The following TNRC6A variants were observed in gnomAD, a reference collection of about 807,000 sequenced individuals.
The protein encoded by TNRC6A is trinucleotide repeat-containing gene 6A protein.
In TNRC6A, 44 loss-of-function variants were observed where a neutral mutation model predicts 221.2. That is an observed-to-expected ratio of 0.20 (90% CI 0.16 to 0.26). The LOEUF is 0.26. Ranked by LOEUF, TNRC6A falls within the 10% of genes least tolerant of loss-of-function variation. The probability of loss-of-function intolerance (pLI) is 1.00; values close to 1 mark genes in which losing one functional copy is unlikely to be tolerated. For synonymous variants in TNRC6A, 847 were observed against 838.5 expected, an observed-to-expected ratio of 1.01 and a Z score of -0.18; for missense variants, 2,199 against 2,404.4, an observed-to-expected ratio of 0.91 and a Z score of 1.79.
chr16:24,793,634 G>T lies in TNRC6A; in HGVS notation c.3337G>T (p.Ala1113Ser), dbSNP rs753592823. The T allele has an allele frequency of 1.3e-6, 2 of 1,500,130 alleles. No homozygotes were observed. Among genetic ancestry groups the T allele is most frequent in the Non-Finnish European group, 8.9e-7 (1 of 1,118,650 alleles). The allele number at this position is 1,500,130 out of a possible 1,614,324, so 92.9% of individuals were successfully genotyped here. Reference sequence around the variant, plus strand: ...GGGCTCCAGCTCTGTTGGTCCACAAGCATTAAGCAAATCTGGTAAGTTATT... The same window carrying T: ...GGGCTCCAGCTCTGTTGGTCCACAATCATTAAGCAAATCTGGTAAGTTATT... ...TWGSSSVGPQALSKSGPKSMQ... is the reference protein window; with the variant it reads ...TWGSSSVGPQSLSKSGPKSMQ... Residue 1113 changes from alanine to serine, a missense_variant, in exon 7 of 25, where the codon GCA (alanine) becomes TCA (serine). Physicochemically the swap from Ala to Ser is moderately conservative, Grantham distance 99. Coordinates refer to ENST00000395799, the MANE Select transcript of TNRC6A (RefSeq NM_014494.4).
At chr16:24,729,267 G>A (rs969877443), upstream of TNRC6A, among the ~76,000 whole-genome samples, 3 of 151,072 alleles carry the variant, frequency 2.0e-5, no homozygotes, top group African/African-American at 7.3e-5. Context: ...GGGCTCATCA[G>A]GCTGCAGTTG....
chr16:24,626,795 A>G (rs1961287), intron 1 of TNRC6A, among the ~76,000 whole-genome samples: 12,855 of 151,090 alleles, frequency 0.085, 781 homozygotes, highest in South Asian at 0.21. Flanking sequence ...GATTACAGGC[A>G]CCCACCACCA....
intron 23 of TNRC6A, among the ~76,000 whole-genome samples, chr16:24,822,466 A>G (rs2058785111): frequency 6.6e-6 from 1 of 152,166 alleles, no homozygotes; most frequent in African/African-American, 2.4e-5. Context: ...CCTTGTTGGC[A>G]CATGGAGAAA....
chr16:24,788,848 C>T, intron 5 of TNRC6A, among the ~76,000 whole-genome samples: 1 of 152,142 alleles, frequency 6.6e-6, no homozygotes, highest in Non-Finnish European at 1.5e-5. Flanking sequence ...TGGGGTTTCA[C>T]CATGTTAGCC....
chr16:24,669,692 C>T (rs1467969719), intron 2 of TNRC6A, among the ~76,000 whole-genome samples: 1 of 151,952 alleles, frequency 6.6e-6, no homozygotes, highest in African/African-American at 2.4e-5. Context: ...AGGACTGAGT[C>T]GCCAGTGATT....
intron 5 of TNRC6A, among the ~76,000 whole-genome samples, chr16:24,783,174 G>T (rs2057890053): frequency 6.6e-6 from 1 of 151,902 alleles, no homozygotes; most frequent in South Asian, 2.1e-4. Context: ...TGTTGCCCAG[G>T]TTGGAGTGCA....
intron 4 of TNRC6A, among the ~76,000 whole-genome samples, chr16:24,764,563 T>A (rs2057432147): frequency 6.6e-6 from 1 of 152,144 alleles, no homozygotes; most frequent in Admixed American, 6.5e-5. Flanking sequence ...CCTCAAATGA[T>A]CCGCCCACCT....
At chr16:24,721,827 G>T (rs895810337) in intron 2 of TNRC6A, among the ~76,000 whole-genome samples, 2 of 152,134 alleles carry the variant, frequency 1.3e-5, no homozygotes, top group Non-Finnish European at 2.9e-5. Context: ...AAAAAGGAAC[G>T]AACTTAATAC....
intron 2 of TNRC6A, among the ~76,000 whole-genome samples, chr16:24,710,358 A>G (rs2056181943): frequency 6.6e-6 from 1 of 152,018 alleles, no homozygotes; most frequent in Non-Finnish European, 1.5e-5. Context: ...CTGTAGTCCC[A>G]GCACTTCGAG....
chr16:24,727,295 C>T (rs1040844523), upstream of TNRC6A, among the ~76,000 whole-genome samples: 4 of 152,076 alleles, frequency 2.6e-5, no homozygotes, highest in African/African-American at 9.7e-5. Flanking sequence ...TCCCAAAGTG[C>T]TGGGATTACA....
chr16:24,815,275 A>G lies in TNRC6A; in HGVS notation c.4801A>G (p.Asn1601Asp), dbSNP rs140131490. ...TGGCTGGCCACGTGCCAAATCGCCT[A>G]ACGGCTCTAGCAGTGTTAATTGGCC... ...GDGWPRAKSP[N>D]GSSSVNWPPE... The change falls in exon 19 of 25, where the codon AAC becomes GAC. Residue 1601 changes from asparagine (N) to aspartate (D), a missense_variant. By Grantham distance (23) the Asn-to-Asp change is conservative. Transcript: ENST00000395799. The G allele has an allele frequency of 1.2e-5, 20 of 1,614,244 alleles. No homozygotes were observed. The highest frequency in any genetic ancestry group is 2.7e-5 in the African/African-American group (2 of 75,068).
At chr16:24,813,154 G>A (rs149977681) in intron 18 of TNRC6A, among the ~76,000 whole-genome samples, 3,618 of 152,136 alleles carry the variant, frequency 0.024, 137 homozygotes, top group African/African-American at 0.077. Flanking sequence ...TGGGATTATA[G>A]GCGTGAGCCA....
chr16:24,810,922 C>G (rs977109902), intron 18 of TNRC6A, among the ~76,000 whole-genome samples: 3 of 152,214 alleles, frequency 2.0e-5, no homozygotes, highest in Admixed American at 2.0e-4. Flanking sequence ...CTCATTCTTT[C>G]ATTCAGCAGT....
At chr16:24,818,273 T>G (rs1173504385) in intron 20 of TNRC6A, among the ~76,000 whole-genome samples, 3 of 151,982 alleles carry the variant, frequency 2.0e-5, no homozygotes, top group African/African-American at 7.2e-5. Context: ...AACCTCCTTT[T>G]TAGACCCAGT....
intron 4 of TNRC6A, chr16:24,776,458 CT>C (rs2057719628): frequency 1.7e-5 from 17 of 985,232 alleles, no homozygotes; most frequent in Non-Finnish European, 2.0e-5. Context: ...GTTTTCTAAC[CT>C]TGTGTTGTTC....
At chr16:24,635,457 A>G (rs1901590007) in intron 1 of TNRC6A, among the ~76,000 whole-genome samples, 1 of 151,368 alleles carries the variant, frequency 6.6e-6, no homozygotes, top group Non-Finnish European at 1.5e-5. Flanking sequence ...TAATTTTTGT[A>G]TTTTTAGTAC....
At chr16:24,687,911 C>CTTCTTTTCTT (rs551462314) in intron 2 of TNRC6A, among the ~76,000 whole-genome samples, 6,421 of 120,072 alleles carry the variant, frequency 0.053, 243 homozygotes, top group Non-Finnish European at 0.066. Flanking sequence ...CTTGGACATG[C>CTTCTTTTCTT]TTCTTTTCTT....
intron 2 of TNRC6A, among the ~76,000 whole-genome samples, chr16:24,649,816 C>CT (rs35308503): frequency 0.028 from 2,206 of 78,982 alleles, 357 homozygotes; most frequent in African/African-American, 0.048. Context: ...CTCTCTCTCT[C>CT]TTTTTTTTTT....
chr16:24,749,912 G>C lies in TNRC6A; in HGVS notation c.54-814G>C, dbSNP rs913940651. On this transcript the variant is annotated intron_variant, in intron 2 of 24. Coordinates refer to ENST00000395799, the MANE Select transcript of TNRC6A (RefSeq NM_014494.4). Reference sequence around the variant, plus strand: ...CCCAACACTTTGGGAGGTCAAGGTGGGCAGATCACTTGAGGTCAGGAGTTT... The same window carrying C: ...CCCAACACTTTGGGAGGTCAAGGTGCGCAGATCACTTGAGGTCAGGAGTTT... Among the ~76,000 whole-genome samples, 5 of 152,242 alleles carry C rather than the reference G, an allele frequency of 3.3e-5. No individual in the cohort carries two copies. The South Asian group carries it at 1.0e-3, about 32-fold the overall frequency.
Sources: allele counts gnomAD v4.1 joint callset (sites outside exome capture counted in the v4.1 genomes callset), GRCh38; gene constraint gnomAD v4.1.1; transcripts MANE v1.5; gene names NCBI Gene and HGNC (gene_info 2026-07-23, HGNC 2026-07-21).